The following SLC9A9 variants were observed in gnomAD, a reference collection of about 807,000 sequenced individuals.
SLC9A9 encodes the protein sodium/hydrogen exchanger 9.
In SLC9A9, 62 loss-of-function variants were observed where a neutral mutation model predicts 77.8. The ratio of observed to expected loss-of-function variants is 0.80; its 90% confidence interval spans 0.65 to 0.98. The LOEUF (loss-of-function observed/expected upper bound fraction) is 0.98. Ranked by LOEUF, SLC9A9 falls within the 50% of genes least tolerant of loss-of-function variation. The pLI is 0.00. For synonymous variants in SLC9A9, 320 were observed against 283.5 expected (o/e 1.13, Z -1.29); for missense variants, 775 against 774.9 (o/e 1.00, Z 0.00).
chr3:143,370,569 A>G (rs202122045), intron 13 of SLC9A9, among the ~76,000 whole-genome samples: 2,404 of 87,610 alleles, frequency 0.027, 20 homozygotes, highest in Non-Finnish European at 0.036. Flanking sequence ...ATGTGCGCGC[A>G]CACACACACA....
chr3:143,319,790 A>G (rs2031350749), intron 14 of SLC9A9, among the ~76,000 whole-genome samples: 2 of 152,180 alleles, frequency 1.3e-5, no homozygotes, highest in African/African-American at 2.4e-5. Context: ...GAAATTTAAA[A>G]CCTCGCAAGA....
chr3:143,647,696 G>A (rs770436479), intron 6 of SLC9A9, among the ~76,000 whole-genome samples: 8 of 152,086 alleles, frequency 5.3e-5, no homozygotes, highest in South Asian at 2.1e-4. Context: ...GCATCTGTTC[G>A]TTTCCTAGTA....
intron 10 of SLC9A9, 90 bp downstream of exon 10, chr3:143,495,245 A>T: frequency 8.9e-7 from 1 of 1,129,130 alleles, no homozygotes; most frequent in Non-Finnish European, 1.3e-6. Flanking sequence ...ACTTTAGGAA[A>T]GTGCTTTAAT....
intron 4 of SLC9A9, among the ~76,000 whole-genome samples, chr3:143,711,401 A>C (rs1191685974): frequency 6.6e-6 from 1 of 151,654 alleles, no homozygotes; most frequent in Non-Finnish European, 1.5e-5. Context: ...TTACTCTTTT[A>C]AAAAAAATTA....
At chr3:143,358,981 A>C (rs957971266) in intron 14 of SLC9A9, among the ~76,000 whole-genome samples, 2 of 152,214 alleles carry the variant, frequency 1.3e-5, no homozygotes, top group African/African-American at 4.8e-5. Flanking sequence ...ATAGGGATTT[A>C]AGTCTGCTGT....
chr3:143,746,054 T>C (rs971032984), intron 4 of SLC9A9, among the ~76,000 whole-genome samples: 5 of 152,130 alleles, frequency 3.3e-5, no homozygotes, highest in African/African-American at 9.7e-5. Flanking sequence ...ATGGCGAGCA[T>C]AGGCCAAAGT....
intron 7 of SLC9A9, among the ~76,000 whole-genome samples, chr3:143,575,938 C>G (rs995225691): frequency 6.6e-6 from 1 of 152,232 alleles, no homozygotes. Flanking sequence ...CCAAATACTG[C>G]ACGATCAATG....
chr3:143,764,994 CCTTCCTTT>C (rs1362357863), intron 4 of SLC9A9, among the ~76,000 whole-genome samples: 1,608 of 123,708 alleles, frequency 0.013, 28 homozygotes, highest in African/African-American at 0.048. Flanking sequence ...TTCCTTCCTT[CCTTCCTTT>C]CTTTCTTTCT....
intron 6 of SLC9A9, among the ~76,000 whole-genome samples, chr3:143,597,409 G>T (rs898453568): frequency 2.0e-5 from 3 of 152,206 alleles, no homozygotes; most frequent in African/African-American, 7.2e-5. Context: ...GCTCAGGCTT[G>T]TTTGTGCTCA....
intron 5 of SLC9A9, among the ~76,000 whole-genome samples, chr3:143,671,874 T>A (rs1291538916): frequency 2.0e-5 from 3 of 152,142 alleles, no homozygotes; most frequent in Non-Finnish European, 4.4e-5. Flanking sequence ...GTGTAATTTC[T>A]CCCCCCTTGG....
chr3:143,754,555 G>A (rs1419861385), intron 4 of SLC9A9, among the ~76,000 whole-genome samples: 1 of 152,180 alleles, frequency 6.6e-6, no homozygotes, highest in Admixed American at 6.5e-5. Context: ...TTATTGATGT[G>A]AGAGCCTAGG....
intron 4 of SLC9A9, among the ~76,000 whole-genome samples, chr3:143,704,699 T>TA (rs1553782391): frequency 6.7e-6 from 1 of 150,322 alleles, no homozygotes; most frequent in Non-Finnish European, 1.5e-5. Flanking sequence ...ACAAATGGAT[T>TA]AAAAAAAATG....
intron 4 of SLC9A9, among the ~76,000 whole-genome samples, chr3:143,784,541 G>C (rs997337903): frequency 8.5e-6 from 1 of 117,860 alleles, no homozygotes; most frequent in Non-Finnish European, 1.8e-5. Context: ...TTTTTTTTTT[G>C]AGAATGGGGG....
At chr3:143,644,052 C>T (rs2038664540) in intron 6 of SLC9A9, among the ~76,000 whole-genome samples, 1 of 151,710 alleles carries the variant, frequency 6.6e-6, no homozygotes, top group Admixed American at 6.6e-5. Flanking sequence ...CTATCTGCAC[C>T]ATGAAAGAAT....
At chr3:143,620,441 G>A (rs182836204) in intron 6 of SLC9A9, 6 of 152,330 alleles carry the variant, frequency 3.9e-5, no homozygotes, top group Non-Finnish European at 7.3e-5. Context: ...TGTTGAGTGA[G>A]AGGAGTAGTG....
chr3:143,708,158 G>A (rs1450273851), intron 4 of SLC9A9, among the ~76,000 whole-genome samples: 1 of 152,136 alleles, frequency 6.6e-6, no homozygotes, highest in African/African-American at 2.4e-5. Context: ...ACTCAAAGAT[G>A]AACTAAATAT....
At chr3:143,584,569 C>T (rs77284170) in intron 6 of SLC9A9, among the ~76,000 whole-genome samples, 5,101 of 152,244 alleles carry the variant, frequency 0.034, 282 homozygotes, top group African/African-American at 0.12. Flanking sequence ...CAAAGATATA[C>T]AAAAGAACCT....
intron 6 of SLC9A9, among the ~76,000 whole-genome samples, chr3:143,595,035 C>G (rs1323676701): frequency 6.6e-6 from 1 of 152,138 alleles, no homozygotes; most frequent in Non-Finnish European, 1.5e-5. Flanking sequence ...AAAACCTATA[C>G]CACCAAAGCA....
chr3:143,796,101 G>A (rs1388325634), intron 3 of SLC9A9, among the ~76,000 whole-genome samples: 2 of 152,160 alleles, frequency 1.3e-5, no homozygotes, highest in Non-Finnish European at 2.9e-5. Context: ...AAACCACGTG[G>A]GCTGGAGCCT....
Sources: gnomAD v4.1 joint callset for allele counts (sites outside exome capture counted in the v4.1 genomes callset) on GRCh38, gnomAD v4.1.1 for gene constraint, MANE v1.5 for transcripts, NCBI Gene and HGNC (gene_info 2026-07-23, HGNC 2026-07-21) for gene names.